Variants in PTPRR observed in about 807,000 individuals in gnomAD.
PTPRR encodes the protein protein tyrosine phosphatase receptor type R.
In PTPRR, 38 loss-of-function variants were observed where a neutral mutation model predicts 77.2. That is an observed-to-expected ratio of 0.49 (90% confidence interval 0.38 to 0.65). PTPRR has a LOEUF of 0.65. Among genes scored for constraint, PTPRR ranks in the 30% least tolerant of loss-of-function variants. PTPRR has a pLI of 0.00. For synonymous variants in PTPRR, 299 were observed against 283.1 expected, an observed-to-expected ratio of 1.06 and a Z score of -0.57; for missense variants, 744 against 799.2, an observed-to-expected ratio of 0.93 and a Z score of 0.83.
At chr12:70,902,743 G>A (rs1893558985) in intron 1 of PTPRR, among the ~76,000 whole-genome samples, 1 of 151,638 alleles carries the variant, frequency 6.6e-6, no homozygotes, top group East Asian at 1.9e-4. Context: ...GAGAAGAGTG[G>A]GAGGGGGGCA....
At chr12:70,744,081 A>C (rs1054871790) in intron 6 of PTPRR, among the ~76,000 whole-genome samples, 2 of 152,172 alleles carry the variant, frequency 1.3e-5, no homozygotes, top group African/African-American at 4.8e-5. Flanking sequence ...TGTGCTTCAA[A>C]GTTCCTCTTT....
chr12:70,719,267 T>C (rs181235799), intron 6 of PTPRR, among the ~76,000 whole-genome samples: 1 of 152,280 alleles, frequency 6.6e-6, no homozygotes, highest in East Asian at 1.9e-4. Flanking sequence ...CTAATCATGC[T>C]TTCTAACCTA....
At position 70,764,765 on chromosome 12, in the gene PTPRR, T is replaced by G; in HGVS notation, c.371A>C (p.Asp124Ala). Residue 124 changes from aspartate (D) to alanine (A), a missense_variant, in exon 3 of 14, where the codon GAT becomes GCT. Asp to Ala is a moderately radical substitution (Grantham distance 126). Transcript: ENST00000283228. ...ANVIVVTLQM[D>A]VNKLNITLLR... ...CAAGGTTATGTTCAGCTTGTTTACA[T>G]CCATTTGCAGTGTCTAGAAAATAAG... 1 of 1,613,522 alleles carries G rather than the reference T, an allele frequency of 6.2e-7. No homozygotes were observed. The highest frequency in any genetic ancestry group is 8.5e-7 in the Non-Finnish European group (1 of 1,179,398).
intron 8 of PTPRR, among the ~76,000 whole-genome samples, chr12:70,686,281 G>T (rs143136327): frequency 6.6e-6 from 1 of 152,066 alleles, no homozygotes; most frequent in African/African-American, 2.4e-5. Context: ...GACGAAGAAA[G>T]TTTCATAGAA....
intron 2 of PTPRR, among the ~76,000 whole-genome samples, chr12:70,826,693 A>C (rs1379780352): frequency 6.6e-6 from 1 of 152,202 alleles, no homozygotes; most frequent in African/African-American, 2.4e-5. Flanking sequence ...TAATGACATG[A>C]ATACTCTGAG....
intron 2 of PTPRR, among the ~76,000 whole-genome samples, chr12:70,884,576 A>C (rs1455334926): frequency 1.3e-5 from 2 of 152,080 alleles, no homozygotes; most frequent in Non-Finnish European, 2.9e-5. Context: ...TTTTGGATTA[A>C]AAATTTTTTT....
At chr12:70,721,069 G>C (rs74685526) in intron 6 of PTPRR, among the ~76,000 whole-genome samples, 8 of 152,066 alleles carry the variant, frequency 5.3e-5, no homozygotes, top group Non-Finnish European at 1.0e-4. Flanking sequence ...AAAAACACTC[G>C]TGCCATATTC....
In PTPRR at chr12:70,754,298, T is replaced by G; in HGVS notation, c.631A>C (p.Asn211His). Residue 211 changes from asparagine (N) to histidine (H), a missense_variant, in exon 5 of 14, where the codon AAT (asparagine) becomes CAT (histidine). This residue lies in a region of PTPRR where 570 missense variants were observed against 573.2 expected (regional missense o/e 0.99). Coordinates refer to ENST00000283228, the MANE Select transcript of PTPRR (RefSeq NM_002849.4). ...FGITEVSPEK[N>H]VLQGQHEADK... ...GCTTCATGCTGCCCTTGTAAAACAT[T>G]TTTCTTTAAAAGCAAAACAGAAAGT... 1 of 1,613,130 alleles carries G rather than the reference T, an allele frequency of 6.2e-7. No homozygotes were observed. The highest frequency in any genetic ancestry group is 8.5e-7 in the Non-Finnish European group (1 of 1,179,662).
chr12:70,776,636 A>C (rs762779715), intron 2 of PTPRR, among the ~76,000 whole-genome samples: 5 of 151,842 alleles, frequency 3.3e-5, no homozygotes, highest in Non-Finnish European at 7.4e-5. Flanking sequence ...TCCTTTTCAC[A>C]TTGTTAGCGC....
At chr12:70,901,944 T>C (rs940070369) in intron 1 of PTPRR, among the ~76,000 whole-genome samples, 4 of 151,420 alleles carry the variant, frequency 2.6e-5, no homozygotes, top group Non-Finnish European at 5.9e-5. Flanking sequence ...TCAGAATCTA[T>C]ACAAACTCAA....
At chr12:70,887,998 A>T (rs1228509458) in intron 2 of PTPRR, among the ~76,000 whole-genome samples, 1 of 91,720 alleles carries the variant, frequency 1.1e-5, no homozygotes, top group Non-Finnish European at 2.2e-5. Context: ...GGCAATAAGA[A>T]GGCAGTCGTG....
intron 2 of PTPRR, among the ~76,000 whole-genome samples, chr12:70,836,306 GTTT>G (rs5799004): frequency 7.1e-6 from 1 of 141,176 alleles, no homozygotes; most frequent in East Asian, 2.1e-4. Flanking sequence ...CAAGACATGT[GTTT>G]TTTTTTTTTT....
chr12:70,913,988 T>A (rs1893738576), intron 1 of PTPRR, among the ~76,000 whole-genome samples: 1 of 152,070 alleles, frequency 6.6e-6, no homozygotes, highest in Admixed American at 6.6e-5. Flanking sequence ...ACAGGTTAAG[T>A]ACATTGACAG....
At chr12:70,739,861 G>A (rs2136911778) in intron 6 of PTPRR, among the ~76,000 whole-genome samples, 1 of 152,240 alleles carries the variant, frequency 6.6e-6, no homozygotes, top group South Asian at 2.1e-4. Context: ...AAATGCAAAT[G>A]TGGACAGGAG....
chr12:70,852,293 C>G (rs1174922657), intron 2 of PTPRR, among the ~76,000 whole-genome samples: 1 of 152,004 alleles, frequency 6.6e-6, no homozygotes, highest in Non-Finnish European at 1.5e-5. Flanking sequence ...TTAAATTAAA[C>G]ACCAATGTCA....
At chr12:70,869,999 G>C (rs1189511885) in intron 2 of PTPRR, among the ~76,000 whole-genome samples, 1 of 152,200 alleles carries the variant, frequency 6.6e-6, no homozygotes, top group Non-Finnish European at 1.5e-5. Context: ...CTTCTGGTCA[G>C]AGAGAAGGCT....
intron 2 of PTPRR, among the ~76,000 whole-genome samples, chr12:70,857,758 G>A (rs758990717): frequency 1.3e-5 from 2 of 152,110 alleles, no homozygotes; most frequent in Non-Finnish European, 2.9e-5. Flanking sequence ...AGGTGACAAA[G>A]TTTACCCTAG....
intron 2 of PTPRR, among the ~76,000 whole-genome samples, chr12:70,808,813 T>C (rs1377257236): frequency 6.6e-6 from 1 of 152,216 alleles, no homozygotes; most frequent in Non-Finnish European, 1.5e-5. Flanking sequence ...TGCCTTTCCA[T>C]TGTTTATTCT....
At chr12:70,746,549 T>C (rs1890220220) in intron 5 of PTPRR, among the ~76,000 whole-genome samples, 1 of 152,224 alleles carries the variant, frequency 6.6e-6, no homozygotes, top group South Asian at 2.1e-4. Context: ...CAGTTTCTTA[T>C]GTTGGTAAAT....
Sources: gnomAD v4.1 joint callset for allele counts (sites outside exome capture counted in the v4.1 genomes callset) on GRCh38, gnomAD v4.1.1 for gene constraint, gnomAD v4.1.1 regional missense constraint, MANE v1.5 for transcripts, NCBI Gene and HGNC (gene_info 2026-07-23, HGNC 2026-07-21) for gene names.